Variants in TRPM7 observed in about 807,000 individuals in gnomAD.
TRPM7 encodes the protein LTRPC ion channel family member 7.
Under a neutral mutation model 229.7 loss-of-function variants are expected in TRPM7, and 134 were observed. The ratio of observed to expected loss-of-function variants is 0.58; its 90% CI spans 0.51 to 0.67. TRPM7 has a LOEUF of 0.67. Ranked by LOEUF, TRPM7 falls within the 30% of genes least tolerant of loss-of-function variation. TRPM7 has a pLI of 0.00. For missense variants in TRPM7, 1,901 were observed against 2,210.0 expected (o/e 0.86, Z 2.80); for synonymous variants, 699 against 715.2 (o/e 0.98, Z 0.36).
chr15:50,584,460 G>C (rs2054587395), intron 28 of TRPM7, among the ~76,000 whole-genome samples: 1 of 152,138 alleles, frequency 6.6e-6, no homozygotes, highest in Non-Finnish European at 1.5e-5. Flanking sequence ...GGAATACAGA[G>C]TGAGAAAAGA....
chr15:50,616,707 G>A (rs903115236), intron 13 of TRPM7, among the ~76,000 whole-genome samples: 1 of 150,948 alleles, frequency 6.6e-6, no homozygotes, highest in Non-Finnish European at 1.5e-5. Context: ...TAGACAAAGG[G>A]TCTTGCTCTG....
chr15:50,629,459 G>C (rs2060660580), intron 10 of TRPM7, among the ~76,000 whole-genome samples: 1 of 149,532 alleles, frequency 6.7e-6, no homozygotes, highest in Non-Finnish European at 1.5e-5. Context: ...TTTTTGTAGA[G>C]ATAGGGTTTT....
chr15:50,675,402 A>G (rs1470553888), intron 1 of TRPM7, among the ~76,000 whole-genome samples: 1 of 151,626 alleles, frequency 6.6e-6, no homozygotes, highest in Non-Finnish European at 1.5e-5. Context: ...AATTTTGTTT[A>G]TTTCAAAAAC....
intron 4 of TRPM7, among the ~76,000 whole-genome samples, chr15:50,648,472 T>C (rs1391967611): frequency 3.9e-5 from 6 of 152,166 alleles, no homozygotes; most frequent in Non-Finnish European, 1.5e-5. Context: ...AAGCAAACCA[T>C]GTCAAGAAAA....
chr15:50,610,038 A>G (rs568404660), intron 17 of TRPM7, 77 bp from the exon 18 acceptor site: 3 of 1,093,896 alleles, frequency 2.7e-6, no homozygotes, highest in African/African-American at 1.6e-5. Context: ...AACAAAGAAT[A>G]AAAACAATAA....
In TRPM7 at chr15:50,572,681, T is replaced by C. The variant is rs543214494; in HGVS notation, c.5308+1593A>G. ...GGATTGGCCTAACTCATAATGGACA[T>C]CAGAGAGTTTTTCACAACATACACC... is the stretch of plus-strand genomic sequence containing the variant. On this transcript the variant is annotated intron_variant, in intron 36 of 38. Transcript: ENST00000646667. Among the ~76,000 whole-genome samples the C allele has an allele frequency of 6.6e-5, 10 of 152,324 alleles. No homozygotes were observed. In the East Asian group the frequency reaches 1.9e-3, roughly 29 times the overall value.
chr15:50,573,990 GA>G (rs1376659497), intron 36 of TRPM7, among the ~76,000 whole-genome samples: 1 of 150,246 alleles, frequency 6.7e-6, no homozygotes, highest in Admixed American at 6.7e-5. Flanking sequence ...CCGGGAGGCG[GA>G]AGTTGCAGTG....
intron 29 of TRPM7, among the ~76,000 whole-genome samples, chr15:50,581,716 T>C (rs976533944): frequency 1.3e-5 from 2 of 152,110 alleles, no homozygotes; most frequent in Non-Finnish European, 2.9e-5. Flanking sequence ...AGTTTGAGAC[T>C]CATTCTGCCC....
In TRPM7 at chr15:50,574,352, G is replaced by T. The variant is rs913204954; in HGVS notation, c.5230C>A (p.Leu1744Met). 15 of 1,613,768 alleles carry T rather than the reference G, an allele frequency of 9.3e-6. No individual in the cohort carries two copies. The highest frequency in any genetic ancestry group is 1.2e-5 in the Non-Finnish European group (14 of 1,179,924). Residue 1744 changes from leucine to methionine, a missense_variant, in exon 36 of 39, where the codon CTG becomes ATG. This residue lies in a region of TRPM7 where 257 missense variants were observed against 352.0 expected (regional missense o/e 0.73). Coordinates refer to ENST00000646667, the MANE Select transcript of TRPM7 (RefSeq NM_017672.6). ...NGDEIIPTNTLEEIMLAFSHW... is the reference protein window; with the variant it reads ...NGDEIIPTNTMEEIMLAFSHW... ...CTAAAGGCTAGCATGATCTCTTCCA[G>T]AGTATTAGTTGGAATAATCTCATCT...
intron 21 of TRPM7, among the ~76,000 whole-genome samples, chr15:50,601,860 T>G (rs547838442): frequency 6.6e-6 from 1 of 151,418 alleles, no homozygotes; most frequent in East Asian, 1.9e-4. Context: ...GTGAGGGAGG[T>G]TTCTTCTTTT....
chr15:50,651,412 G>A (rs906199293), intron 3 of TRPM7, among the ~76,000 whole-genome samples: 27 of 152,280 alleles, frequency 1.8e-4, no homozygotes, highest in Admixed American at 5.9e-4. Flanking sequence ...TTGGGAAGCC[G>A]AGGCGGGTGG....
At chr15:50,597,119 G>A (rs1433154978) in intron 22 of TRPM7, among the ~76,000 whole-genome samples, 5 of 152,022 alleles carry the variant, frequency 3.3e-5, no homozygotes, top group African/African-American at 1.2e-4. Context: ...CACAAAAATG[G>A]GGCTGAAGAA....
At chr15:50,564,067 G>A (rs2053452230) in intron 38 of TRPM7, among the ~76,000 whole-genome samples, 1 of 151,638 alleles carries the variant, frequency 6.6e-6, no homozygotes, top group African/African-American at 2.4e-5. Context: ...TGCCATAATT[G>A]GCAAAGCTGC....
chr15:50,574,890 T>C lies in TRPM7; in HGVS notation c.4981A>G (p.Ile1661Val), dbSNP rs777239758. ...LPEVVNTWSS[I>V]YKEDTVLHLC... ...TGCAGAACTGTATCTTCTTTGTAAA[T>C]ACTTGACCATGTATTAACCACCTCT... Residue 1661 changes from isoleucine to valine, a missense_variant, in exon 34 of 39, where the codon ATT becomes GTT. By Grantham distance (29) the Ile-to-Val change is conservative. Coordinates refer to ENST00000646667, the MANE Select transcript of TRPM7 (RefSeq NM_017672.6). The C allele has an allele frequency of 1.9e-6, 3 of 1,613,454 alleles. No homozygotes were observed. The highest frequency in any genetic ancestry group is 1.7e-6 in the Non-Finnish European group (2 of 1,179,468).
rs200062879 is a variant in TRPM7 at position 50,669,446 on chromosome 15, G to GA, written c.4-6401dup. The stretch of plus-strand genomic sequence containing the variant: ...TGAGACTCTGTCTCAAAAAGAAAAG[G>GA]AAAAAAAAAATCCATGCTGGGCTCG... On this transcript the variant is annotated intron_variant, in intron 1 of 38. Transcript: ENST00000646667. 4.9e-4 allele frequency among the ~76,000 whole-genome samples: 73 copies of GA among 148,640 alleles called. No individual in the cohort carries two copies. The South Asian group carries it at 8.3e-3, about 17-fold the overall frequency.
Position 50,596,371 on chromosome 15 carries a change from A to G in TRPM7, c.3174T>C (p.Asn1058=), listed in dbSNP as rs543821. ...VYAYEIDVCA[N]DSVIPQICGP... is the part of the protein sequence containing the mutation. ...CACAGATTTGAGGGATAACAGAATC[A>G]TTTGCACACACTTTAGAGAGAAAAA... The change falls in exon 23 of 39, where the codon AAT becomes AAC. Residue 1058 remains asparagine, a synonymous_variant. Coordinates refer to ENST00000646667, the MANE Select transcript of TRPM7 (RefSeq NM_017672.6). 0.099 allele frequency: 157,527 copies of G among 1,585,158 alleles called. 8,662 individuals carry two copies. Among genetic ancestry groups the G allele is most frequent in the East Asian group, 0.13 (5,978 of 44,578 alleles).
At chr15:50,577,570 G>C (rs1334938331) in intron 31 of TRPM7, among the ~76,000 whole-genome samples, 1 of 152,164 alleles carries the variant, frequency 6.6e-6, no homozygotes, top group Non-Finnish European at 1.5e-5. Context: ...GGGCAGGGAA[G>C]GGTGGCAGAA....
chr15:50,678,239 C>CAAAAAAAAAAAAAA (rs527874854), intron 1 of TRPM7, among the ~76,000 whole-genome samples: 7 of 92,076 alleles, frequency 7.6e-5, no homozygotes, highest in Admixed American at 4.0e-4. Context: ...GACTCTCTCT[C>CAAAAAAAAAAAAAA]AAAAAAAAAA....
At position 50,642,087 on chromosome 15, in the gene TRPM7, C is replaced by T. The variant is rs534344214; in HGVS notation, c.535+1253G>A. Among the ~76,000 whole-genome samples, 22 of 152,028 alleles carry T rather than the reference C, an allele frequency of 1.4e-4. No individual in the cohort carries two copies. The South Asian group carries it at 3.3e-3, about 23-fold the overall frequency. On this transcript the variant is annotated intron_variant, in intron 5 of 38. Transcript: ENST00000646667. The stretch of plus-strand genomic sequence containing the variant: ...ATTTTAGACAATGAAAGTAATCTGC[C>T]CTCTTTATATTCAACCTGTATATGT...
Sources: gnomAD v4.1 joint callset for allele counts (sites outside exome capture counted in the v4.1 genomes callset) on GRCh38, gnomAD v4.1.1 for gene constraint, gnomAD v4.1.1 regional missense constraint, MANE v1.5 for transcripts, NCBI Gene and HGNC (gene_info 2026-07-23, HGNC 2026-07-21) for gene names.